The following SPIDR variants were observed in gnomAD, a reference collection of about 807,000 sequenced individuals.
The protein encoded by SPIDR is scaffold protein involved in DNA repair.
Under a neutral mutation model 104.6 loss-of-function variants are expected in SPIDR, and 93 were observed. The ratio of observed to expected loss-of-function variants is 0.89; its 90% CI spans 0.75 to 1.06. The LOEUF (loss-of-function observed/expected upper bound fraction) is 1.06. Ranked by LOEUF, SPIDR falls within the 50% of genes least tolerant of loss-of-function variation. SPIDR has a pLI of 0.00. For synonymous variants in SPIDR, 431 were observed against 416.9 expected, an observed-to-expected ratio of 1.03 and a Z score of -0.41; for missense variants, 1,154 against 1,111.2, an observed-to-expected ratio of 1.04 and a Z score of -0.55.
At chr8:47,310,868 A>G (rs1002613779) in intron 5 of SPIDR, among the ~76,000 whole-genome samples, 1 of 152,214 alleles carries the variant, frequency 6.6e-6, no homozygotes, top group African/African-American at 2.4e-5. Context: ...TCTTCAGAAG[A>G]ACATAATCAA....
chr8:47,729,272 T>G (rs1460684449), intron 18 of SPIDR, 140 bp from the exon 19 acceptor site: 1 of 1,435,546 alleles, frequency 7.0e-7, no homozygotes, highest in African/African-American at 1.4e-5. Flanking sequence ...AAAACACATC[T>G]TTGACCTAAG....
At chr8:47,504,702 A>G (rs1230557865) in intron 8 of SPIDR, among the ~76,000 whole-genome samples, 6 of 152,164 alleles carry the variant, frequency 3.9e-5, no homozygotes, top group Non-Finnish European at 7.3e-5. Flanking sequence ...TTGGAGGAGG[A>G]GAGGCACTCT....
At chr8:47,475,003 T>C (rs2154359334) in intron 8 of SPIDR, among the ~76,000 whole-genome samples, 1 of 152,384 alleles carries the variant, frequency 6.6e-6, no homozygotes, top group East Asian at 1.9e-4. Flanking sequence ...AATTCTGTTA[T>C]GTTGCTTTAA....
chr8:47,297,941 A>G (rs1422761035), intron 5 of SPIDR, among the ~76,000 whole-genome samples: 4 of 152,194 alleles, frequency 2.6e-5, no homozygotes, highest in African/African-American at 9.7e-5. Context: ...TCTTCATAGC[A>G]GCATATTTTG....
intron 8 of SPIDR, among the ~76,000 whole-genome samples, chr8:47,572,546 C>A (rs1197788365): frequency 6.6e-6 from 1 of 151,988 alleles, no homozygotes; most frequent in Non-Finnish European, 1.5e-5. Flanking sequence ...CCTGTAGTCC[C>A]AGCTACTCGG....
At chr8:47,478,718 G>T (rs2076551942) in intron 8 of SPIDR, among the ~76,000 whole-genome samples, 1 of 152,184 alleles carries the variant, frequency 6.6e-6, no homozygotes, top group African/African-American at 2.4e-5. Flanking sequence ...CATCAAAAAG[G>T]AGATCCCAGT....
At chr8:47,439,325 A>G (rs998573236) in intron 7 of SPIDR, among the ~76,000 whole-genome samples, 27 of 152,182 alleles carry the variant, frequency 1.8e-4, no homozygotes, top group Non-Finnish European at 4.0e-4. Flanking sequence ...TTGTATTCAT[A>G]AACTATTGTA....
At chr8:47,690,433 A>AT (rs974438197) in intron 11 of SPIDR, among the ~76,000 whole-genome samples, 1 of 150,128 alleles carries the variant, frequency 6.7e-6, no homozygotes, top group African/African-American at 2.4e-5. Flanking sequence ...GATTAGGAGG[A>AT]TTTTTTCTTT....
At chr8:47,346,009 A>G (rs545256092) in intron 5 of SPIDR, among the ~76,000 whole-genome samples, 51 of 152,150 alleles carry the variant, frequency 3.4e-4, no homozygotes, top group Non-Finnish European at 6.0e-4. Context: ...TGTTGAATAC[A>G]TGTGGTGAGA....
At chr8:47,289,174 C>T (rs2039443731) in intron 3 of SPIDR, among the ~76,000 whole-genome samples, 1 of 152,040 alleles carries the variant, frequency 6.6e-6, no homozygotes, top group Non-Finnish European at 1.5e-5. Context: ...CTGTGCCCAG[C>T]TAATTTTTTA....
chr8:47,642,791 C>G (rs569386624), intron 10 of SPIDR, among the ~76,000 whole-genome samples: 9 of 152,240 alleles, frequency 5.9e-5, no homozygotes, highest in Non-Finnish European at 1.0e-4. Flanking sequence ...CGCCTGTAGT[C>G]TTAGCTACTT....
chr8:47,486,528 A>C (rs2077649126), intron 8 of SPIDR, among the ~76,000 whole-genome samples: 2 of 152,196 alleles, frequency 1.3e-5, no homozygotes, highest in Admixed American at 1.3e-4. Flanking sequence ...CGAGAAGAGC[A>C]ACTCCAAGAC....
chr8:47,273,993 C>G (rs2035855041), intron 1 of SPIDR, among the ~76,000 whole-genome samples: 1 of 152,102 alleles, frequency 6.6e-6, no homozygotes, highest in Non-Finnish European at 1.5e-5. Flanking sequence ...ATCACTTGGC[C>G]TTTTTGCTAA....
intron 5 of SPIDR, among the ~76,000 whole-genome samples, chr8:47,367,938 A>G (rs1270763234): frequency 4.6e-5 from 7 of 152,196 alleles, no homozygotes. Flanking sequence ...GATGCTTGTT[A>G]TCCTAGTCCA....
chr8:47,709,065 C>T (rs1318917988), intron 14 of SPIDR, among the ~76,000 whole-genome samples: 2 of 151,984 alleles, frequency 1.3e-5, no homozygotes, highest in Non-Finnish European at 2.9e-5. Context: ...CTCTGCCTCC[C>T]GTGTTCAAGA....
chr8:47,734,123 G>A (rs937986428), intron 19 of SPIDR, among the ~76,000 whole-genome samples: 15 of 152,148 alleles, frequency 9.9e-5, no homozygotes, highest in African/African-American at 3.1e-4. Context: ...GGCTTCATCC[G>A]GATAGCTCCA....
chr8:47,564,088 T>TTTTTTTTTTG, intron 8 of SPIDR, among the ~76,000 whole-genome samples: 1 of 136,642 alleles, frequency 7.3e-6, no homozygotes, highest in Non-Finnish European at 1.6e-5. Context: ...TTTTTTTTTT[T>TTTTTTTTTTG]TTTTTTTTTG....
chr8:47,387,054 A>AG (rs1354042758), intron 5 of SPIDR, among the ~76,000 whole-genome samples: 10 of 152,172 alleles, frequency 6.6e-5, no homozygotes, highest in Admixed American at 2.0e-4. Context: ...CTGTGTGATG[A>AG]GGGGATATTT....
chr8:47,605,596 G>A (rs1165781870), intron 10 of SPIDR, among the ~76,000 whole-genome samples: 2 of 152,142 alleles, frequency 1.3e-5, no homozygotes, highest in Non-Finnish European at 2.9e-5. Flanking sequence ...CAAAAAATCT[G>A]GAATCAGACT....
Sources: allele counts gnomAD v4.1 joint callset (sites outside exome capture counted in the v4.1 genomes callset), GRCh38; gene constraint gnomAD v4.1.1; transcripts MANE v1.5; gene names NCBI Gene and HGNC (gene_info 2026-07-23, HGNC 2026-07-21).